Variants in EYS observed in about 807,000 individuals in gnomAD.
EYS encodes EGF-like photoreceptor maintenance factor.
A neutral mutation model predicts 282.1 loss-of-function variants in EYS; 250 were observed. The ratio of observed to expected loss-of-function variants is 0.89; its 90% confidence interval spans 0.80 to 0.98. The LOEUF is 0.98. EYS is among the 50% of genes least tolerant of loss of function. EYS has a pLI of 0.00. For synonymous variants in EYS, 1,355 were observed against 1,282.9 expected, an observed-to-expected ratio of 1.06 and a Z score of -1.20; for missense variants, 4,016 against 3,709.0, an observed-to-expected ratio of 1.08 and a Z score of -2.15.
chr6:65,143,876 A>G (rs1169236180), intron 12 of EYS, among the ~76,000 whole-genome samples: 1 of 152,118 alleles, frequency 6.6e-6, no homozygotes, highest in Non-Finnish European at 1.5e-5. Context: ...TTAAAGGATC[A>G]GCAAAGCAAT....
rs140904472 is a variant in EYS, at chr6:65,605,806, G to A, written c.-333+33972C>T. Among the ~76,000 whole-genome samples the A allele has an allele frequency of 3.6e-3, 552 of 151,876 alleles. 22 individuals are homozygous for A. Among genetic ancestry groups the A allele is most frequent in the Admixed American group, 0.033 (495 of 15,176 alleles). On this transcript the variant is annotated intron_variant, in intron 2 of 42. Coordinates refer to ENST00000503581, the MANE Select transcript of EYS (RefSeq NM_001142800.2). ...ATGAAAAATTATGTTGAATAAATATGTGTGTGTATGTGTGTATATATTTAT... is the reference window on the plus strand; with the variant it reads ...ATGAAAAATTATGTTGAATAAATATATGTGTGTATGTGTGTATATATTTAT...
intron 12 of EYS, among the ~76,000 whole-genome samples, chr6:65,098,897 TA>T (rs1021679931): frequency 6.6e-6 from 1 of 150,688 alleles, no homozygotes; most frequent in Non-Finnish European, 1.5e-5. Context: ...TTATAAAGTT[TA>T]AAAAAATAAT....
intron 2 of EYS, among the ~76,000 whole-genome samples, chr6:65,549,520 G>A (rs1323402677): frequency 6.6e-6 from 1 of 152,098 alleles, no homozygotes; most frequent in Non-Finnish European, 1.5e-5. Flanking sequence ...TAGCTGTTTA[G>A]TTGCTATGAA....
At chr6:65,633,071 A>T (rs1766973256) in intron 2 of EYS, among the ~76,000 whole-genome samples, 1 of 152,202 alleles carries the variant, frequency 6.6e-6, no homozygotes. Context: ...GGCTCATATA[A>T]AGATACTATA....
chr6:65,188,587 G>A (rs1467374330), intron 12 of EYS, among the ~76,000 whole-genome samples: 1 of 151,364 alleles, frequency 6.6e-6, no homozygotes. Context: ...ACACAGCAAA[G>A]GAGAATTAAG....
intron 31 of EYS, among the ~76,000 whole-genome samples, chr6:64,107,335 T>C (rs1273360203): frequency 7.2e-6 from 1 of 138,772 alleles, no homozygotes; most frequent in African/African-American, 2.7e-5. Flanking sequence ...TTATAAAGTA[T>C]TAACTTAATG....
chr6:64,311,064 T>A (rs1007218465), intron 29 of EYS, among the ~76,000 whole-genome samples: 4 of 151,944 alleles, frequency 2.6e-5, no homozygotes, highest in African/African-American at 9.7e-5. Context: ...AAAAATAATT[T>A]ATTAAAATTA....
At chr6:64,015,781 C>T (rs144450866) in intron 33 of EYS, among the ~76,000 whole-genome samples, 289 of 152,298 alleles carry the variant, frequency 1.9e-3, no homozygotes, top group African/African-American at 6.6e-3. Context: ...ATAGCCAGGG[C>T]ACCTGCATCA....
intron 13 of EYS, among the ~76,000 whole-genome samples, chr6:65,010,097 A>G (rs991577362): frequency 6.6e-6 from 1 of 152,174 alleles, no homozygotes; most frequent in Admixed American, 6.5e-5. Flanking sequence ...AAGCTTGTCA[A>G]TGGGGCAAGA....
At chr6:64,712,487 C>T (rs1046208581) in intron 22 of EYS, among the ~76,000 whole-genome samples, 4 of 152,266 alleles carry the variant, frequency 2.6e-5, no homozygotes, top group Non-Finnish European at 4.4e-5. Context: ...ACTTTATGTT[C>T]AGCAACGAAT....
intron 15 of EYS, among the ~76,000 whole-genome samples, chr6:64,945,300 A>G (rs563784568): frequency 6.6e-6 from 1 of 152,150 alleles, no homozygotes; most frequent in Admixed American, 6.6e-5. Flanking sequence ...TTTCTTCAGA[A>G]TTCTCATCTA....
chr6:64,308,746 G>A (rs1769554370), intron 29 of EYS, among the ~76,000 whole-genome samples: 1 of 151,808 alleles, frequency 6.6e-6, no homozygotes. Flanking sequence ...TTTGCTATAG[G>A]CTCAAATTTA....
intron 22 of EYS, among the ~76,000 whole-genome samples, chr6:64,653,626 G>A (rs190700614): frequency 3.2e-4 from 48 of 151,970 alleles, no homozygotes; most frequent in Non-Finnish European, 5.3e-4. Flanking sequence ...AGGCAGTGGC[G>A]TGACTGTGGC....
At chr6:64,481,064 A>G (rs1776421527) in intron 26 of EYS, among the ~76,000 whole-genome samples, 1 of 151,418 alleles carries the variant, frequency 6.6e-6, no homozygotes, top group African/African-American at 2.4e-5. Flanking sequence ...TCAGGTGAAC[A>G]GTTTTCCTTA....
intron 7 of EYS, among the ~76,000 whole-genome samples, chr6:65,400,016 T>C (rs2150362230): frequency 6.6e-6 from 1 of 152,158 alleles, no homozygotes; most frequent in Admixed American, 6.6e-5. Context: ...AGTGTTAATC[T>C]TAAGTGCAGA....
At chr6:64,295,412 A>AAG (rs1459355049) in intron 30 of EYS, among the ~76,000 whole-genome samples, 1 of 12 alleles carries the variant, frequency 0.083, no homozygotes, top group Non-Finnish European at 0.17. Context: ...GAAGGAGAGG[A>AAG]AAGAAGAAGA....
chr6:64,812,642 T>C (rs1273093270), intron 22 of EYS, among the ~76,000 whole-genome samples: 1 of 151,980 alleles, frequency 6.6e-6, no homozygotes, highest in Non-Finnish European at 1.5e-5. Context: ...AAGATATACA[T>C]GATAAACCTG....
At chr6:64,438,692 C>T (rs985368524) in intron 27 of EYS, among the ~76,000 whole-genome samples, 1 of 151,292 alleles carries the variant, frequency 6.6e-6, no homozygotes, top group Non-Finnish European at 1.5e-5. Flanking sequence ...AATCATGTAC[C>T]GTTTGAAATA....
chr6:64,651,711 C>T (rs1307261097), intron 22 of EYS, among the ~76,000 whole-genome samples: 2 of 152,022 alleles, frequency 1.3e-5, no homozygotes, highest in African/African-American at 4.8e-5. Context: ...TCATAAAATA[C>T]ATATCAGAGA....
Sources: gnomAD v4.1 joint callset for allele counts (sites outside exome capture counted in the v4.1 genomes callset) on GRCh38, gnomAD v4.1.1 for gene constraint, MANE v1.5 for transcripts, NCBI Gene and HGNC (gene_info 2026-07-23, HGNC 2026-07-21) for gene names.